Variants in PTPRR observed in about 807,000 individuals in gnomAD.
PTPRR encodes the protein protein tyrosine phosphatase receptor type R.
In PTPRR, 38 loss-of-function variants were observed where a neutral mutation model predicts 77.2. The ratio of observed to expected loss-of-function variants is 0.49; its 90% CI spans 0.38 to 0.65. The LOEUF is 0.65. Ranked by LOEUF, PTPRR falls within the 30% of genes least tolerant of loss-of-function variation. PTPRR has a pLI of 0.00. For missense variants in PTPRR, 744 were observed against 799.2 expected (o/e 0.93, Z 0.83); for synonymous variants, 299 against 283.1 (o/e 1.06, Z -0.57).
intron 13 of PTPRR, among the ~76,000 whole-genome samples, chr12:70,650,143 C>T (rs575000899): frequency 6.6e-6 from 1 of 152,176 alleles, no homozygotes; most frequent in Non-Finnish European, 1.5e-5. Flanking sequence ...GGGAAGACTT[C>T]GAAGAAATAT....
chr12:70,652,025 A>G (rs1886414383), intron 13 of PTPRR, among the ~76,000 whole-genome samples: 1 of 152,200 alleles, frequency 6.6e-6, no homozygotes, highest in Admixed American at 6.5e-5. Flanking sequence ...TTCTGTATGT[A>G]TTAAATACAT....
At chr12:70,911,721 G>T (rs1893702192) in intron 1 of PTPRR, among the ~76,000 whole-genome samples, 1 of 105,982 alleles carries the variant, frequency 9.4e-6, no homozygotes, top group African/African-American at 4.1e-5. Flanking sequence ...ATAGCATACA[G>T]ATGAAAACTA....
chr12:70,913,799 T>A (rs1389568081), intron 1 of PTPRR, among the ~76,000 whole-genome samples: 1 of 152,186 alleles, frequency 6.6e-6, no homozygotes, highest in Non-Finnish European at 1.5e-5. Flanking sequence ...AGATGAGATA[T>A]AATCTCTTGG....
rs72472808 is a variant in PTPRR at position 70,665,364 on chromosome 12, C to CTTTTTTTTTTTTT, written c.1498-2772_1498-2760dup. Among the ~76,000 whole-genome samples the CTTTTTTTTTTTTT allele has an allele frequency of 3.4e-4, 15 of 44,602 alleles. 3 individuals carry two copies. The highest frequency in any genetic ancestry group is 1.3e-3 in the South Asian group (1 of 792). The allele number at this position is 44,602 out of a possible 152,430, so 29.3% of individuals were successfully genotyped here. ...GATGTAACACAAAGCAATGCAAATT[C>CTTTTTTTTTTTTT]TTTTTTTTTTTTTTTTTTTTTTTTT... On this transcript the variant is annotated intron_variant, in intron 10 of 13. Coordinates refer to ENST00000283228, the MANE Select transcript of PTPRR (RefSeq NM_002849.4).
At chr12:70,654,201 A>G (rs1010615252) in intron 13 of PTPRR, among the ~76,000 whole-genome samples, 2 of 152,190 alleles carry the variant, frequency 1.3e-5, no homozygotes, top group Non-Finnish European at 2.9e-5. Flanking sequence ...ATTTTTCAGA[A>G]TAATCTTCTT....
chr12:70,665,613 C>T (rs147657283), intron 10 of PTPRR, among the ~76,000 whole-genome samples: 1,875 of 151,474 alleles, frequency 0.012, 40 homozygotes, highest in African/African-American at 0.042. Flanking sequence ...AACTCCTGAC[C>T]TCAGGTGATC....
intron 2 of PTPRR, among the ~76,000 whole-genome samples, chr12:70,853,065 A>G (rs944317314): frequency 6.6e-6 from 1 of 152,168 alleles, no homozygotes; most frequent in South Asian, 2.1e-4. Flanking sequence ...CCTCACTACA[A>G]TCCTCTGAGG....
In PTPRR at chr12:70,709,001, AC is replaced by A. The variant is rs1457885293; in HGVS notation, c.1008-7679del. Among the ~76,000 whole-genome samples, 3 of 152,086 alleles carry A rather than the reference AC, an allele frequency of 2.0e-5. No individual in the cohort carries two copies. In the East Asian group the frequency reaches 5.8e-4, roughly 29 times the overall value. On this transcript the variant is annotated intron_variant, in intron 6 of 13. Coordinates refer to ENST00000283228, the MANE Select transcript of PTPRR (RefSeq NM_002849.4). The stretch of plus-strand genomic sequence containing the variant: ...TGACACCTATTGTCCTGATACCAAA[AC>A]CTGGCAGAGATTCAATAAAAAAAGA...
chr12:70,824,794 C>T (rs1465805414), intron 2 of PTPRR, among the ~76,000 whole-genome samples: 1 of 152,174 alleles, frequency 6.6e-6, no homozygotes, highest in African/African-American at 2.4e-5. Context: ...AAAAAAATCA[C>T]CATTCCTTCG....
At chr12:70,745,722 C>A in intron 6 of PTPRR, 96 bp downstream of exon 6, 1 of 1,379,106 alleles carries the variant, frequency 7.3e-7, no homozygotes. Flanking sequence ...ACAATTCTAC[C>A]CAATTATGTC....
chr12:70,656,865 G>A (rs1886602895), intron 12 of PTPRR, 48 bp from the exon 13 acceptor site: 2 of 1,266,304 alleles, frequency 1.6e-6, no homozygotes, highest in Non-Finnish European at 2.3e-6. Flanking sequence ...AAATGACAAA[G>A]ATAAGAAACA....
At chr12:70,911,291 GAGA>G (rs1265059606) in intron 1 of PTPRR, among the ~76,000 whole-genome samples, 3 of 152,162 alleles carry the variant, frequency 2.0e-5, no homozygotes, top group Non-Finnish European at 2.9e-5. Context: ...TTGGTCAGTA[GAGA>G]AGAAGGATGG....
chr12:70,653,060 G>A (rs779003076), intron 13 of PTPRR, among the ~76,000 whole-genome samples: 52 of 152,216 alleles, frequency 3.4e-4, no homozygotes, highest in Non-Finnish European at 5.7e-4. Flanking sequence ...ATCCATGCAT[G>A]TGTTTGGCAT....
chr12:70,720,000 C>G lies in PTPRR; in HGVS notation c.1008-18677G>C, dbSNP rs182907536. 1.0e-3 allele frequency among the ~76,000 whole-genome samples: 152 copies of G among 152,366 alleles called. 1 individual carries two copies. Among genetic ancestry groups the G allele is most frequent in the African/African-American group, 3.4e-3 (142 of 41,584 alleles). ...CTCCTGTCTGTAAGTGGCGCACAAG[C>G]GCCACCTGGAGGGTGCAAGGCGCAA... On this transcript the variant is annotated intron_variant, in intron 6 of 13. Transcript: ENST00000283228.
intron 12 of PTPRR, among the ~76,000 whole-genome samples, chr12:70,660,178 T>TAATAAATA (rs57676991): frequency 0.024 from 3,414 of 140,974 alleles, 100 homozygotes; most frequent in South Asian, 0.032. Flanking sequence ...CTCTGTCTCA[T>TAATAAATA]AATAAATAAA....
At chr12:70,882,995 G>C (rs1483919248) in intron 2 of PTPRR, among the ~76,000 whole-genome samples, 3 of 152,130 alleles carry the variant, frequency 2.0e-5, no homozygotes, top group African/African-American at 7.2e-5. Context: ...AATGAAGGCT[G>C]GGCAAAGTGA....
intron 2 of PTPRR, among the ~76,000 whole-genome samples, chr12:70,827,226 G>T (rs2137046674): frequency 6.6e-6 from 1 of 152,298 alleles, no homozygotes; most frequent in African/African-American, 2.4e-5. Context: ...TTACAGTGGG[G>T]CAGGGCCCAT....
intron 13 of PTPRR, among the ~76,000 whole-genome samples, chr12:70,655,814 A>C (rs1270875220): frequency 6.6e-6 from 1 of 152,230 alleles, no homozygotes; most frequent in African/African-American, 2.4e-5. Context: ...TGGTTGTACA[A>C]CAATGTGAAT....
At chr12:70,705,209 A>G (rs1451448463) in intron 6 of PTPRR, among the ~76,000 whole-genome samples, 2 of 152,152 alleles carry the variant, frequency 1.3e-5, no homozygotes, top group Admixed American at 1.3e-4. Context: ...AAATTGTTCA[A>G]TTCTAATGAC....
Sources: allele counts gnomAD v4.1 joint callset (sites outside exome capture counted in the v4.1 genomes callset), GRCh38; gene constraint gnomAD v4.1.1; transcripts MANE v1.5; gene names NCBI Gene and HGNC (gene_info 2026-07-23, HGNC 2026-07-21).